RAPGEF6: variants seen among roughly 807,000 people sequenced by gnomAD.
RAPGEF6 encodes the protein Rap guanine nucleotide exchange factor 6.
In RAPGEF6, 56 loss-of-function variants were observed where a neutral mutation model predicts 171.4. The observed-to-expected ratio is 0.33, with a 90% CI of 0.26 to 0.41. The LOEUF is 0.41. Among genes scored for constraint, RAPGEF6 ranks in the 10% least tolerant of loss-of-function variants. The pLI, the probability that RAPGEF6 is intolerant of heterozygous loss-of-function variation, is 1.00. For synonymous variants in RAPGEF6, 692 were observed against 650.1 expected (o/e 1.06, Z -0.98); for missense variants, 1,674 against 1,921.4 (o/e 0.87, Z 2.41).
At chr5:131,451,873 C>T (rs927828591) in intron 21 of RAPGEF6, among the ~76,000 whole-genome samples, 1 of 151,822 alleles carries the variant, frequency 6.6e-6, no homozygotes, top group African/African-American at 2.4e-5. Flanking sequence ...ACACATAGGC[C>T]CAAAAGGAAA....
chr5:131,429,087 T>G lies in RAPGEF6; in HGVS notation c.4595A>C (p.Tyr1532Ser). The G allele has an allele frequency of 4.3e-6, 7 of 1,614,178 alleles. No homozygotes were observed. Among genetic ancestry groups the G allele is most frequent in the Non-Finnish European group, 5.9e-6 (7 of 1,180,028 alleles). ...GPHTHLKPPD[Y>S]SVAVQRSKMM... ...CTTTGACCTCTGCACTGCCACACTA[T>G]AATCTGGAGGTTTTAGGTGTGTGTG... Residue 1532 changes from tyrosine (Y) to serine (S), a missense_variant, in exon 27 of 28, where the codon TAT becomes TCT. This residue lies in a region of RAPGEF6 where 552 missense variants were observed against 574.2 expected (regional missense o/e 0.96). Coordinates refer to ENST00000509018, the MANE Select transcript of RAPGEF6 (RefSeq NM_016340.6).
chr5:131,575,416 C>T (rs1762547725), intron 4 of RAPGEF6, among the ~76,000 whole-genome samples: 5 of 152,120 alleles, frequency 3.3e-5, no homozygotes, highest in Admixed American at 3.3e-4. Context: ...TATCGCGTAT[C>T]CCCCTCTAAA....
chr5:131,434,641 T>C (rs572996151), intron 24 of RAPGEF6, among the ~76,000 whole-genome samples: 2 of 152,378 alleles, frequency 1.3e-5, no homozygotes, highest in African/African-American at 2.4e-5. Flanking sequence ...AGTGGATACA[T>C]GTTTAATAAT....
chr5:131,439,315 A>G (rs1374737410), intron 24 of RAPGEF6, among the ~76,000 whole-genome samples: 1 of 152,196 alleles, frequency 6.6e-6, no homozygotes, highest in Non-Finnish European at 1.5e-5. Context: ...TTGCACCAAA[A>G]CTATGGCTTC....
chr5:131,481,826 C>A (rs566814984), intron 15 of RAPGEF6, among the ~76,000 whole-genome samples: 7 of 152,308 alleles, frequency 4.6e-5, no homozygotes, highest in African/African-American at 1.7e-4. Context: ...TGGAAGCAAA[C>A]ACTCAGCTTA....
At chr5:131,529,083 G>A (rs555455283) in intron 6 of RAPGEF6, among the ~76,000 whole-genome samples, 235 of 148,088 alleles carry the variant, frequency 1.6e-3, no homozygotes, top group Admixed American at 4.5e-3. Flanking sequence ...TCCCAACTAA[G>A]AACCACTTAA....
intron 7 of RAPGEF6, among the ~76,000 whole-genome samples, chr5:131,517,988 C>T (rs180887363): frequency 2.0e-5 from 3 of 151,532 alleles, no homozygotes; most frequent in Admixed American, 2.0e-4. Context: ...AATCTATTTA[C>T]GTCCTCCTTA....
intron 21 of RAPGEF6, among the ~76,000 whole-genome samples, chr5:131,450,359 A>G (rs558159472): frequency 1.3e-5 from 2 of 152,316 alleles, no homozygotes; most frequent in Admixed American, 1.3e-4. Context: ...ACTTACTATA[A>G]TATAAATTTT....
At chr5:131,541,516 A>AC (rs961182696) in intron 6 of RAPGEF6, among the ~76,000 whole-genome samples, 5 of 151,768 alleles carry the variant, frequency 3.3e-5, no homozygotes, top group African/African-American at 9.7e-5. Context: ...TTTTCTTTTT[A>AC]CTTTTTTTTT....
intron 5 of RAPGEF6, among the ~76,000 whole-genome samples, chr5:131,551,111 T>C (rs1483002839): frequency 2.0e-5 from 3 of 152,216 alleles, no homozygotes; most frequent in African/African-American, 7.2e-5. Context: ...TCAAAAGGTA[T>C]ACACAAGGCC....
rs115300203 is a variant in RAPGEF6, at chr5:131,612,136, G to A, written c.70-7443C>T. ...TGATGCCTCGATCTCCAGGACTGAA[G>A]CAATCCTCCCACGTTGGCCTTCCAA... On this transcript the variant is annotated intron_variant, in intron 1 of 27. Coordinates refer to ENST00000509018, the MANE Select transcript of RAPGEF6 (RefSeq NM_016340.6). Among the ~76,000 whole-genome samples the A allele has an allele frequency of 7.1e-3, 1,078 of 151,026 alleles. 7 individuals carry two copies. Among genetic ancestry groups the A allele is most frequent in the African/African-American group, 0.024 (1,001 of 41,214 alleles).
At chr5:131,452,989 A>C in intron 21 of RAPGEF6, 65 bp downstream of exon 21, 1 of 1,526,136 alleles carries the variant, frequency 6.6e-7, no homozygotes, top group Non-Finnish European at 8.8e-7. Context: ...ATAAATGATA[A>C]ATATTTTAAT....
chr5:131,610,552 C>G (rs925694452), intron 1 of RAPGEF6, among the ~76,000 whole-genome samples: 2 of 152,068 alleles, frequency 1.3e-5, no homozygotes, highest in African/African-American at 2.4e-5. Flanking sequence ...CCAGCATTAG[C>G]CTGAGAAGAA....
chr5:131,427,169 A>G lies in RAPGEF6; in HGVS notation c.*97T>C. Reference sequence around the variant, plus strand: ...ATAAAACCTCTGGACTGGTTGTAGCAATGAGCTGTTCGTTAGCAATGGCCT... The same window carrying G: ...ATAAAACCTCTGGACTGGTTGTAGCGATGAGCTGTTCGTTAGCAATGGCCT... On this transcript the variant is annotated 3_prime_UTR_variant, in exon 28 of 28. Transcript: ENST00000509018. 1 of 1,117,174 alleles carries G rather than the reference A, an allele frequency of 9.0e-7. No individual in the cohort carries two copies. Among genetic ancestry groups the G allele is most frequent in the Non-Finnish European group, 1.4e-6 (1 of 728,242 alleles). The allele number at this position is 1,117,174 out of a possible 1,614,324, so 69.2% of individuals were successfully genotyped here.
Position 131,445,493 on chromosome 5 carries a change from C to CTGTGTGTGTG in RAPGEF6, c.3421+980_3421+989dup, listed in dbSNP as rs11269268. ...TTTATGGGCAAATTTAACTCACTCT[C>CTGTGTGTGTG]TGTGTGTGTGTGTGTGTGTGTGTGT... On this transcript the variant is annotated intron_variant, in intron 22 of 27. Coordinates refer to ENST00000509018, the MANE Select transcript of RAPGEF6 (RefSeq NM_016340.6). Among the ~76,000 whole-genome samples, 290 of 147,332 alleles carry CTGTGTGTGTG rather than the reference C, an allele frequency of 2.0e-3. 1 individual carries two copies. Among genetic ancestry groups the CTGTGTGTGTG allele is most frequent in the South Asian group, 6.3e-3 (29 of 4,626 alleles).
intron 16 of RAPGEF6, among the ~76,000 whole-genome samples, chr5:131,477,364 G>A (rs543386805): frequency 6.4e-4 from 98 of 152,322 alleles, no homozygotes; most frequent in African/African-American, 2.2e-3. Flanking sequence ...AACTTCTGCA[G>A]TGCAGCATTT....
chr5:131,554,399 T>C (rs772930630), intron 5 of RAPGEF6, among the ~76,000 whole-genome samples: 1 of 152,160 alleles, frequency 6.6e-6, no homozygotes, highest in Non-Finnish European at 1.5e-5. Context: ...CGTGGTTAAA[T>C]AGGAATAAAT....
chr5:131,476,254 T>C (rs1755080790), intron 16 of RAPGEF6, among the ~76,000 whole-genome samples: 1 of 152,246 alleles, frequency 6.6e-6, no homozygotes, highest in East Asian at 1.9e-4. Context: ...TAATTACTAT[T>C]AGAAACAGAA....
At chr5:131,562,130 A>C in intron 4 of RAPGEF6, 83 bp from the exon 5 acceptor site, 2 of 912,684 alleles carry the variant, frequency 2.2e-6, no homozygotes, top group Non-Finnish European at 3.3e-6. Context: ...AACAAACAAC[A>C]AAAAAGCCCT....
Sources: allele counts gnomAD v4.1 joint callset (sites outside exome capture counted in the v4.1 genomes callset), GRCh38; gene constraint gnomAD v4.1.1; regional missense constraint gnomAD v4.1.1; transcripts MANE v1.5; gene names NCBI Gene and HGNC (gene_info 2026-07-23, HGNC 2026-07-21).